RNF135: variants seen among roughly 807,000 people sequenced by gnomAD.
RNF135 encodes ring finger protein 135.
Under a neutral mutation model 41.9 loss-of-function variants are expected in RNF135, and 46 were observed. The observed-to-expected ratio is 1.10, with a 90% CI of 0.87 to 1.40. The LOEUF (loss-of-function observed/expected upper bound fraction) is 1.40, where lower values mean the gene tolerates loss of function less well. RNF135 is among the 40% of genes most tolerant of loss of function. The probability of loss-of-function intolerance (pLI) is 0.00; values close to 1 mark genes in which losing one functional copy is unlikely to be tolerated. For missense variants in RNF135, 539 were observed against 549.8 expected, an observed-to-expected ratio of 0.98 and a Z score of 0.20; for synonymous variants, 238 against 223.8, an observed-to-expected ratio of 1.06 and a Z score of -0.57.
At chr17:30,997,196 C>T in intron 3 of RNF135, 46 bp from the exon 4 acceptor site, 1 of 1,492,630 alleles carries the variant, frequency 6.7e-7, no homozygotes, top group South Asian at 1.1e-5. Flanking sequence ...CTTCAGTTTG[C>T]CTTTTTCTGA....
At chr17:30,975,349 C>T in intron 1 of RNF135, 1 of 721,924 alleles carries the variant, frequency 1.4e-6, no homozygotes, top group Non-Finnish European at 2.5e-6. Context: ...GCTACTTATG[C>T]CTGCACCTGA....
intron 1 of RNF135, among the ~76,000 whole-genome samples, chr17:30,981,230 C>T (rs1029716658): frequency 1.5e-4 from 23 of 148,646 alleles, no homozygotes; most frequent in East Asian, 1.9e-4. Flanking sequence ...CGTGGCGGCG[C>T]GCGCCTGCAA....
rs986039561 is a variant in RNF135, at chr17:30,999,751, T to C, written c.*560T>C. 2 of 157,750 alleles carry C rather than the reference T, an allele frequency of 1.3e-5. No individual in the cohort carries two copies. Among genetic ancestry groups the C allele is most frequent in the African/African-American group, 4.8e-5 (2 of 41,474 alleles). 9.8% of individuals were successfully genotyped at this position (157,750 alleles called of 1,614,324 possible). On this transcript the variant is annotated 3_prime_UTR_variant, in exon 5 of 5. Transcript: ENST00000328381. Reference sequence around the variant, plus strand: ...GTAATACTCTGTGCACACATCATTGTAGCCACACATCATTGCTGGGAGAAT... The same window carrying C: ...GTAATACTCTGTGCACACATCATTGCAGCCACACATCATTGCTGGGAGAAT...
upstream of RNF135, among the ~76,000 whole-genome samples, chr17:30,970,027 G>A (rs939703009): frequency 6.6e-6 from 1 of 151,806 alleles, no homozygotes; most frequent in African/African-American, 2.4e-5. Context: ...TCCAAAGGTC[G>A]GCTACAAACT....
At chr17:30,993,228 T>G (rs958960998) in intron 3 of RNF135, among the ~76,000 whole-genome samples, 8 of 152,056 alleles carry the variant, frequency 5.3e-5, no homozygotes, top group Admixed American at 3.3e-4. Flanking sequence ...ATCTGGATAC[T>G]TTTTGTATTT....
At position 30,971,093 on chromosome 17, in the gene RNF135, G is replaced by C. The variant is rs1905865031; in HGVS notation, c.20G>C (p.Gly7Ala). The C allele has an allele frequency of 2.6e-6, 4 of 1,534,348 alleles. No homozygotes were observed. Among genetic ancestry groups the C allele is most frequent in the Non-Finnish European group, 3.5e-6 (4 of 1,146,134 alleles). Residue 7 changes from glycine (G) to alanine (A), a missense_variant, in exon 1 of 5, where the codon GGC becomes GCC. Transcript: ENST00000328381. MAGLGLGSAVPVWLAED... is the reference protein window; with the variant it reads MAGLGLASAVPVWLAED... ...TTGGCCATGGCGGGCCTGGGCCTGG[G>C]CTCCGCCGTTCCCGTGTGGCTGGCC...
chr17:30,970,674 C>T (rs115507799), upstream of RNF135: 779 of 241,694 alleles, frequency 3.2e-3, 10 homozygotes, highest in African/African-American at 0.017. Flanking sequence ...GAATGGAGTC[C>T]TCTCCTCCCA....
intron 3 of RNF135, among the ~76,000 whole-genome samples, chr17:30,991,558 A>G (rs1907993149): frequency 6.6e-6 from 1 of 151,786 alleles, no homozygotes. Context: ...TTGGGATTAC[A>G]GGCACCTGCC....
At chr17:30,985,819 C>G (rs1171117873) in intron 2 of RNF135, among the ~76,000 whole-genome samples, 1 of 152,182 alleles carries the variant, frequency 6.6e-6, no homozygotes, top group Non-Finnish European at 1.5e-5. Context: ...GATCCCATCT[C>G]TGTCTGCCTC....
chr17:30,961,140 A>G, the RNF135 span, among the ~76,000 whole-genome samples: 1 of 152,206 alleles, frequency 6.6e-6, no homozygotes, highest in Non-Finnish European at 1.5e-5. Flanking sequence ...GCTAAGAAGT[A>G]TTCCACTATA....
Position 30,983,340 on chromosome 17 carries a change from TATATA to T in RNF135, c.373-1276_373-1272del, listed in dbSNP as rs1478369592. Among the ~76,000 whole-genome samples the T allele has an allele frequency of 6.0e-3, 198 of 32,954 alleles. 1 individual carries two copies. The highest frequency in any genetic ancestry group is 0.011 in the African/African-American group (141 of 12,750). The allele number at this position is 32,954 out of a possible 152,430, so 21.6% of individuals were successfully genotyped here. A position where few individuals can be genotyped will look rare whatever the true frequency, so the allele number is the denominator to read the frequency against. ...ATGTACATATATATATATATATATA[TATATA>T]TATATATATTTTTTTTTTTTTTTTT... On this transcript the variant is annotated intron_variant, in intron 1 of 4. Transcript: ENST00000328381.
chr17:30,968,373 CCTTT>C (rs1449562758), upstream of RNF135, among the ~76,000 whole-genome samples: 19 of 151,258 alleles, frequency 1.3e-4, no homozygotes, highest in Admixed American at 4.6e-4. Context: ...CCCCCTTCCC[CCTTT>C]CTTTCTTTCT....
chr17:30,995,793 AC>A (rs1908314030), intron 3 of RNF135, among the ~76,000 whole-genome samples: 1 of 150,456 alleles, frequency 6.6e-6, no homozygotes, highest in Non-Finnish European at 1.5e-5. Context: ...TTGCTCTGTC[AC>A]CCAGGCTGGA....
upstream of RNF135, among the ~76,000 whole-genome samples, chr17:30,968,053 T>C (rs996661975): frequency 5.9e-5 from 9 of 151,860 alleles, no homozygotes; most frequent in Non-Finnish European, 8.8e-5. Flanking sequence ...GCGGATCACC[T>C]GAGGTCAGGA....
At chr17:30,972,563 A>G (rs1162971189) in intron 1 of RNF135, 1 of 152,192 alleles carries the variant, frequency 6.6e-6, no homozygotes, top group Non-Finnish European at 1.5e-5. Flanking sequence ...TCCTCCCTCT[A>G]GCCCCTGCTC....
In RNF135 at chr17:30,986,638, C is replaced by T. The variant is rs180977901; in HGVS notation, c.517-1306C>T. 5.4e-4 allele frequency among the ~76,000 whole-genome samples: 83 copies of T among 152,294 alleles called. 2 individuals are homozygous for T. Among genetic ancestry groups the T allele is most frequent in the African/African-American group, 1.9e-3 (77 of 41,564 alleles). On this transcript the variant is annotated intron_variant, in intron 2 of 4. Coordinates refer to ENST00000328381, the MANE Select transcript of RNF135 (RefSeq NM_032322.4). ...GGGATGCGATGTGTTGGGATAGAAA[C>T]GCTGAGAGTCTGACTTTCAGAATTG... is the stretch of plus-strand genomic sequence containing the variant.
intron 3 of RNF135, among the ~76,000 whole-genome samples, chr17:30,995,682 T>C (rs1054087510): frequency 6.6e-6 from 1 of 152,182 alleles, no homozygotes; most frequent in Non-Finnish European, 1.5e-5. Context: ...ACAGTATTAG[T>C]GTGTGAGAGG....
intron 1 of RNF135, among the ~76,000 whole-genome samples, chr17:30,981,242 C>T (rs1464179842): frequency 3.4e-5 from 5 of 147,616 alleles, no homozygotes; most frequent in African/African-American, 1.1e-4. Flanking sequence ...CGCCTGCAAT[C>T]GCAGGCACTC....
intron 2 of RNF135, among the ~76,000 whole-genome samples, chr17:30,985,132 C>A (rs1300963944): frequency 6.6e-6 from 1 of 152,158 alleles, no homozygotes; most frequent in Non-Finnish European, 1.5e-5. Flanking sequence ...TTTGGCTTTC[C>A]CCCACCTCTC....
Sources: gnomAD v4.1 joint callset for allele counts (sites outside exome capture counted in the v4.1 genomes callset) on GRCh38, gnomAD v4.1.1 for gene constraint, MANE v1.5 for transcripts, NCBI Gene and HGNC (gene_info 2026-07-23, HGNC 2026-07-21) for gene names.